EFCAB6: variants seen among roughly 807,000 people sequenced by gnomAD.
EFCAB6 encodes EF-hand calcium binding domain 6, also known as EF-hand calcium-binding domain-containing protein 6.
In EFCAB6, 156 loss-of-function variants were observed where a neutral mutation model predicts 169.8. That is an observed-to-expected ratio of 0.92 (90% CI 0.81 to 1.05). The LOEUF is 1.05. Ranked by LOEUF, EFCAB6 falls within the 50% of genes least tolerant of loss-of-function variation. The pLI, the probability that EFCAB6 is intolerant of heterozygous loss-of-function variation, is 0.00. For missense variants in EFCAB6, 1,800 were observed against 1,829.1 expected (o/e 0.98, Z 0.29); for synonymous variants, 698 against 676.4 (o/e 1.03, Z -0.50).
intron 26 of EFCAB6, among the ~76,000 whole-genome samples, chr22:43,556,074 G>A (rs538462517): frequency 4.6e-5 from 7 of 152,184 alleles, no homozygotes; most frequent in Non-Finnish European, 1.0e-4. Context: ...ACAATTGCAA[G>A]GGGCCTTATC....
chr22:43,721,997 A>G (rs183483243), intron 8 of EFCAB6, among the ~76,000 whole-genome samples: 58 of 152,316 alleles, frequency 3.8e-4, no homozygotes, highest in Non-Finnish European at 7.2e-4. Flanking sequence ...TGCATCTGAC[A>G]AAGTCCTAAT....
chr22:43,733,349 T>C (rs954656968), intron 7 of EFCAB6, among the ~76,000 whole-genome samples: 1 of 152,216 alleles, frequency 6.6e-6, no homozygotes, highest in Non-Finnish European at 1.5e-5. Context: ...GTGATTTGTT[T>C]GCTGGTTTTA....
At chr22:43,622,660 T>C (rs1185702425) in intron 20 of EFCAB6, among the ~76,000 whole-genome samples, 1 of 152,246 alleles carries the variant, frequency 6.6e-6, no homozygotes, top group East Asian at 1.9e-4. Flanking sequence ...ATGTTGATTT[T>C]AATCTTACTA....
At chr22:43,542,691 C>T (rs1279917209) in intron 27 of EFCAB6, among the ~76,000 whole-genome samples, 13 of 152,136 alleles carry the variant, frequency 8.5e-5, no homozygotes, top group East Asian at 3.9e-4. Flanking sequence ...GAGGCAGCAC[C>T]GGAGGAAATA....
chr22:43,711,498 T>C lies in EFCAB6; in HGVS notation c.1008A>G (p.Arg336=), dbSNP rs2059158532. The C allele has an allele frequency of 6.3e-7, 1 of 1,582,602 alleles. No individual in the cohort carries two copies. Among genetic ancestry groups the C allele is most frequent in the Admixed American group, 2.0e-5 (1 of 49,566 alleles). ...LDTFVYQIPR[R]IFIQLMKRFG... Reference sequence around the variant, plus strand: ...ACCTTTTCATTAACTGGATAAAAATTCTTCTTGGTATTTGGTATACAAAAG... The same window carrying C: ...ACCTTTTCATTAACTGGATAAAAATCCTTCTTGGTATTTGGTATACAAAAG... Residue 336 remains arginine, a synonymous_variant, in exon 10 of 32, where the codon AGA becomes AGG. Transcript: ENST00000262726.
chr22:43,623,780 G>A (rs1410574606), intron 20 of EFCAB6, among the ~76,000 whole-genome samples: 1 of 151,052 alleles, frequency 6.6e-6, no homozygotes. Context: ...ATTGTGGTGG[G>A]CGCCTGTAGT....
intron 17 of EFCAB6, among the ~76,000 whole-genome samples, chr22:43,648,351 T>C (rs1018008065): frequency 1.2e-4 from 19 of 152,090 alleles, no homozygotes; most frequent in Admixed American, 3.3e-4. Context: ...ATGTGGTACA[T>C]GCACACCGTG....
chr22:43,570,612 C>T (rs76322693), intron 26 of EFCAB6, among the ~76,000 whole-genome samples: 15 of 146,972 alleles, frequency 1.0e-4, no homozygotes, highest in African/African-American at 1.8e-4. Context: ...TAGGTGTTCT[C>T]TTTTTTTTTT....
intron 17 of EFCAB6, among the ~76,000 whole-genome samples, chr22:43,666,713 T>C (rs951081960): frequency 6.7e-6 from 1 of 149,298 alleles, no homozygotes; most frequent in African/African-American, 2.5e-5. Context: ...TTTTTTTTTT[T>C]TTCATTCTAG....
chr22:43,584,439 C>A (rs150043834), intron 24 of EFCAB6, among the ~76,000 whole-genome samples: 227 of 152,236 alleles, frequency 1.5e-3, no homozygotes, highest in African/African-American at 5.2e-3. Context: ...CGTACCTCCC[C>A]ACCCCCACCA....
intron 2 of EFCAB6, among the ~76,000 whole-genome samples, chr22:43,783,093 G>C (rs999100081): frequency 6.6e-6 from 1 of 152,088 alleles, no homozygotes; most frequent in African/African-American, 2.4e-5. Context: ...TATTTGACCT[G>C]ATGTTTCCCT....
At chr22:43,765,466 C>T in intron 4 of EFCAB6, 73 bp from the exon 5 acceptor site, 1 of 1,145,352 alleles carries the variant, frequency 8.7e-7, no homozygotes, top group Non-Finnish European at 1.3e-6. Flanking sequence ...AAGCAGATTT[C>T]TAAATCACAG....
At chr22:43,737,070 T>G (rs1468832825) in intron 6 of EFCAB6, among the ~76,000 whole-genome samples, 2 of 151,990 alleles carry the variant, frequency 1.3e-5, no homozygotes, top group Non-Finnish European at 2.9e-5. Context: ...TCCTCCCCTC[T>G]GCCCTCTCCT....
At chr22:43,749,782 G>T (rs371238931) in intron 6 of EFCAB6, among the ~76,000 whole-genome samples, 2 of 152,142 alleles carry the variant, frequency 1.3e-5, no homozygotes, top group Non-Finnish European at 2.9e-5. Context: ...GTAAGAACTC[G>T]CATGCTTTGT....
Position 43,632,226 on chromosome 22 carries a change from C to T in EFCAB6, c.2111G>A (p.Arg704Lys). Residue 704 changes from arginine (R) to lysine (K), a missense_variant, in exon 19 of 32, where the codon AGA (arginine) becomes AAA (lysine). Arg to Lys is a conservative substitution (Grantham distance 26). Transcript: ENST00000262726. ...CTGCGGCGGAGTGGTTTCCGGCCCT[C>T]TCATTGGAGGATCTGGAACAATTAC... Reference protein sequence around the residue: ...FAAGFEDPPMRGPETTPPQPP... With the variant: ...FAAGFEDPPMKGPETTPPQPP... 1 of 1,611,784 alleles carries T rather than the reference C, an allele frequency of 6.2e-7. No homozygotes were observed. Among genetic ancestry groups the T allele is most frequent in the South Asian group, 1.1e-5 (1 of 90,974 alleles).
chr22:43,539,980 G>T lies in EFCAB6; in HGVS notation c.3879+147C>A, dbSNP rs536611263. On this transcript the variant is annotated intron_variant, in intron 28 of 31. Transcript: ENST00000262726. ...ATGGATGCTAAGGACCTGCCAGTGGGATCCTTGCATGTGCCCCCACCCCAG... is the reference window on the plus strand; with the variant it reads ...ATGGATGCTAAGGACCTGCCAGTGGTATCCTTGCATGTGCCCCCACCCCAG... 9 of 806,340 alleles carry T rather than the reference G, an allele frequency of 1.1e-5. No homozygotes were observed. The East Asian group carries it at 1.9e-4, about 17-fold the overall frequency. The allele number at this position is 806,340 out of a possible 1,614,324, so 49.9% of individuals were successfully genotyped here.
intron 8 of EFCAB6, among the ~76,000 whole-genome samples, chr22:43,720,368 C>T (rs1294959525): frequency 2.6e-5 from 4 of 151,558 alleles, no homozygotes; most frequent in Non-Finnish European, 5.9e-5. Flanking sequence ...AAAAAATAGC[C>T]GGGCACAGTA....
chr22:43,533,674 G>T (rs888367852), intron 30 of EFCAB6, among the ~76,000 whole-genome samples: 1 of 152,224 alleles, frequency 6.6e-6, no homozygotes, highest in African/African-American at 2.4e-5. Context: ...CAGGCTGTGG[G>T]CTTTTTGCCC....
At chr22:43,750,087 G>A (rs2060703552) in intron 6 of EFCAB6, among the ~76,000 whole-genome samples, 1 of 151,876 alleles carries the variant, frequency 6.6e-6, no homozygotes, top group Non-Finnish European at 1.5e-5. Flanking sequence ...CTACAATCTT[G>A]CGTTTGCACT....
Sources: allele counts gnomAD v4.1 joint callset (sites outside exome capture counted in the v4.1 genomes callset), GRCh38; gene constraint gnomAD v4.1.1; transcripts MANE v1.5; gene names NCBI Gene and HGNC (gene_info 2026-07-23, HGNC 2026-07-21).